Variants in CEP43 observed in about 807,000 individuals in gnomAD.
CEP43 encodes the protein centrosomal protein 43.
Under a neutral mutation model 52.6 loss-of-function variants are expected in CEP43, and 36 were observed. The ratio of observed to expected loss-of-function variants is 0.68; its 90% CI spans 0.52 to 0.90. The LOEUF (loss-of-function observed/expected upper bound fraction) is 0.90. Among genes scored for constraint, CEP43 ranks in the 40% least tolerant of loss-of-function variants. The probability of loss-of-function intolerance (pLI) is 0.00; values close to 1 mark genes in which losing one functional copy is unlikely to be tolerated. For synonymous variants in CEP43, 192 were observed against 172.4 expected, an observed-to-expected ratio of 1.11 and a Z score of -0.89; for missense variants, 506 against 472.8, an observed-to-expected ratio of 1.07 and a Z score of -0.65.
Position 167,040,978 on chromosome 6 carries a change from G to A in CEP43, c.*1000G>A, listed in dbSNP as rs1024680692. The A allele has an allele frequency of 2.1e-5, 22 of 1,024,770 alleles. No homozygotes were observed. Among genetic ancestry groups the A allele is most frequent in the African/African-American group, 6.8e-5 (4 of 58,968 alleles). The allele number at this position is 1,024,770 out of a possible 1,614,324, so 63.5% of individuals were successfully genotyped here. The stretch of plus-strand genomic sequence containing the variant: ...GCATTATTGCTATTATGTAGGTCAC[G>A]GATGTTTATAATACTAAAGTATTTT... On this transcript the variant is annotated 3_prime_UTR_variant, in exon 13 of 13. Coordinates refer to ENST00000366847, the MANE Select transcript of CEP43 (RefSeq NM_007045.4).
At chr6:167,004,122 T>G (rs1240908036) in intron 4 of CEP43, 142 bp from the exon 5 acceptor site, 6 of 935,454 alleles carry the variant, frequency 6.4e-6, no homozygotes, top group Middle Eastern at 6.3e-4. Context: ...AGGCATAATT[T>G]TTTAAAATAG....
At chr6:167,011,408 CTGTT>C (rs1265460124) in intron 6 of CEP43, among the ~76,000 whole-genome samples, 5 of 151,862 alleles carry the variant, frequency 3.3e-5, no homozygotes, top group African/African-American at 9.7e-5. Context: ...ATGTGTGCGT[CTGTT>C]TGTGTGTTTA....
intron 7 of CEP43, among the ~76,000 whole-genome samples, chr6:167,019,190 G>A (rs1030121540): frequency 3.9e-5 from 6 of 152,118 alleles, no homozygotes; most frequent in African/African-American, 7.2e-5. Flanking sequence ...TTCACTTGAC[G>A]GTTGATGAGG....
At chr6:167,029,037 G>T (rs76113019) in intron 10 of CEP43, among the ~76,000 whole-genome samples, 1 of 152,256 alleles carries the variant, frequency 6.6e-6, no homozygotes, top group East Asian at 1.9e-4. Context: ...GTTTGTGGAT[G>T]GCATGTACTG....
intron 12 of CEP43, among the ~76,000 whole-genome samples, chr6:167,038,561 A>G (rs543684715): frequency 1.3e-5 from 2 of 152,352 alleles, no homozygotes; most frequent in African/African-American, 4.8e-5. Flanking sequence ...AAAGAAGTTT[A>G]ATACAGTTTT....
chr6:167,032,679 C>T (rs566024077), intron 11 of CEP43, 37 bp downstream of exon 11: 26 of 1,487,878 alleles, frequency 1.7e-5, no homozygotes, highest in African/African-American at 2.8e-5. Flanking sequence ...TAAATATATA[C>T]GTTATTTGTA....
chr6:167,015,767 A>G (rs1343786667), intron 7 of CEP43, among the ~76,000 whole-genome samples: 1 of 152,018 alleles, frequency 6.6e-6, no homozygotes, highest in African/African-American at 2.4e-5. Context: ...AATAAACTTA[A>G]AAAAACATTC....
chr6:167,041,916 T>C lies in CEP43; in HGVS notation c.*1938T>C, dbSNP rs560889724. 25 of 613,732 alleles carry C rather than the reference T, an allele frequency of 4.1e-5. No homozygotes were observed. Among genetic ancestry groups the C allele is most frequent in the Middle Eastern group, 1.5e-3 (2 of 1,312 alleles). The allele number at this position is 613,732 out of a possible 1,614,324, so 38.0% of individuals were successfully genotyped here. On this transcript the variant is annotated 3_prime_UTR_variant, in exon 13 of 13. Coordinates refer to ENST00000366847, the MANE Select transcript of CEP43 (RefSeq NM_007045.4). Reference sequence around the variant, plus strand: ...TCGGCTCACTGCAACCTCCGCCTCCTGGGTTCAAGCGATTCTCCTGCTTCA... The same window carrying C: ...TCGGCTCACTGCAACCTCCGCCTCCCGGGTTCAAGCGATTCTCCTGCTTCA...
chr6:167,001,629 C>T (rs1779738808), intron 2 of CEP43, among the ~76,000 whole-genome samples: 1 of 152,134 alleles, frequency 6.6e-6, no homozygotes, highest in Non-Finnish European at 1.5e-5. Context: ...TGTATTATGC[C>T]CTTAATGGGA....
At position 167,004,287 on chromosome 6, in the gene CEP43, G is replaced by T. The variant is rs150980464; in HGVS notation, c.324G>T (p.Glu108Asp). 1,747 of 1,606,940 alleles carry T rather than the reference G, an allele frequency of 1.1e-3. 8 individuals are homozygous for T. Among genetic ancestry groups the T allele is most frequent in the Middle Eastern group, 6.1e-3 (37 of 6,024 alleles). Residue 108 changes from glutamate (E) to aspartate (D), a missense_variant, in exon 5 of 13, where the codon GAG becomes GAT. Glu to Asp is a conservative substitution (Grantham distance 45). Transcript: ENST00000366847. The stretch of plus-strand genomic sequence containing the variant: ...AGCTGCAAGGTCTCGAAGGTCGAGA[G>T]AATTTAGCCCGAGATTTAGGTATAA... The part of the protein sequence containing the change: ...TSTLQGLEGR[E>D]NLARDLGIIE...
At chr6:167,028,540 A>G in intron 10 of CEP43, 1 of 972,210 alleles carries the variant, frequency 1.0e-6, no homozygotes, top group Non-Finnish European at 1.2e-6. Context: ...TACATTTTAA[A>G]TATACAGTAC....
chr6:167,013,454 A>T, intron 6 of CEP43, 54 bp from the exon 7 acceptor site: 1 of 1,456,222 alleles, frequency 6.9e-7, no homozygotes, highest in Non-Finnish European at 9.6e-7. Context: ...GAGTTAGTTT[A>T]TTTTTTAAAG....
At chr6:167,010,323 GA>G (rs3839360) in intron 5 of CEP43, among the ~76,000 whole-genome samples, 3,102 of 151,968 alleles carry the variant, frequency 0.02, 52 homozygotes, top group East Asian at 0.092. Flanking sequence ...TACCATTTTG[GA>G]AAAAAAATGT....
rs2128669281 is a variant in CEP43 at position 167,040,699 on chromosome 6, C to CGACT, written c.*722_*723insACTG. The CGACT allele has an allele frequency of 9.8e-7, 1 of 1,018,350 alleles. No individual in the cohort carries two copies. Among genetic ancestry groups the CGACT allele is most frequent in the South Asian group, 4.6e-5 (1 of 21,584 alleles). The allele number at this position is 1,018,350 out of a possible 1,614,324, so 63.1% of individuals were successfully genotyped here. A position where few individuals can be genotyped will look rare whatever the true frequency, so the allele number is the denominator to read the frequency against. On this transcript the variant is annotated 3_prime_UTR_variant, in exon 13 of 13. Transcript: ENST00000366847. The stretch of plus-strand genomic sequence containing the variant: ...TGTTATCCATGTAAGCAGCTTTAGT[C>CGACT]GTAGGTTCTCTTCATTATAATTTAT...
chr6:167,025,003 A>G (rs571645509), intron 9 of CEP43, 109 bp downstream of exon 9: 3 of 655,344 alleles, frequency 4.6e-6, no homozygotes, highest in South Asian at 3.9e-5. Context: ...AAAATAACCT[A>G]TCATTTTATC....
Position 167,026,597 on chromosome 6 carries a change from A to C in CEP43, c.970A>C (p.Ile324Leu). The C allele has an allele frequency of 6.3e-7, 1 of 1,594,692 alleles. No individual in the cohort carries two copies. The highest frequency in any genetic ancestry group is 1.3e-5 in the African/African-American group (1 of 74,678). Residue 324 changes from isoleucine (I) to leucine (L), a missense_variant, in exon 10 of 13, where the codon ATT becomes CTT. Transcript: ENST00000366847. Reference sequence around the variant, plus strand: ...AGATCTGAAATTGATCAGTGATAAAATTGGATCACTTGGATTAGGTAATTA... The same window carrying C: ...AGATCTGAAATTGATCAGTGATAAACTTGGATCACTTGGATTAGGTAATTA... ...LKDLKLISDK[I>L]GSLGLGTGED...
intron 5 of CEP43, among the ~76,000 whole-genome samples, chr6:167,010,364 A>G (rs994069893): frequency 6.6e-6 from 1 of 152,234 alleles, no homozygotes. Context: ...AGAGTGAACT[A>G]CTATTTGAAG....
chr6:167,033,099 CTTTTTTTTTTTTTTTTTTT>C (rs71032896), intron 11 of CEP43, among the ~76,000 whole-genome samples: 1 of 68,298 alleles, frequency 1.5e-5, no homozygotes, highest in East Asian at 5.1e-4. Flanking sequence ...TTGCCATTCT[CTTTTTTTTTTTTTTTTTTT>C]TTTTTTTTTT....
chr6:167,012,609 T>C (rs1780009660), intron 6 of CEP43, among the ~76,000 whole-genome samples: 1 of 152,218 alleles, frequency 6.6e-6, no homozygotes, highest in African/African-American at 2.4e-5. Flanking sequence ...TTACTGTTTT[T>C]AAAGCAAATT....
Sources: gnomAD v4.1 joint callset for allele counts (sites outside exome capture counted in the v4.1 genomes callset) on GRCh38, gnomAD v4.1.1 for gene constraint, MANE v1.5 for transcripts, NCBI Gene and HGNC (gene_info 2026-07-23, HGNC 2026-07-21) for gene names.